CHL1: variants seen among roughly 807,000 people sequenced by gnomAD.
CHL1 encodes the protein neural cell adhesion molecule L1-like protein.
A neutral mutation model predicts 141.9 loss-of-function variants in CHL1; 96 were observed. The ratio of observed to expected loss-of-function variants is 0.68; its 90% CI spans 0.57 to 0.80. CHL1 has a LOEUF of 0.80. Ranked by LOEUF, CHL1 falls within the 30% of genes least tolerant of loss-of-function variation. CHL1 has a pLI of 0.00. For synonymous variants in CHL1, 613 were observed against 502.2 expected, an observed-to-expected ratio of 1.22 and a Z score of -2.95; for missense variants, 1,820 against 1,457.2, an observed-to-expected ratio of 1.25 and a Z score of -4.05.
chr3:320,760 G>T (rs149782737), intron 3 of CHL1, among the ~76,000 whole-genome samples: 86 of 152,092 alleles, frequency 5.7e-4, no homozygotes, highest in African/African-American at 1.9e-3. Context: ...TATCAAGTCT[G>T]CCATGTATAG....
intron 5 of CHL1, among the ~76,000 whole-genome samples, chr3:337,546 G>C (rs1324978566): frequency 3.4e-5 from 5 of 146,782 alleles, no homozygotes; most frequent in Non-Finnish European, 7.4e-5. Context: ...GCCCCGGTGT[G>C]TGATGTCCCC....
At chr3:276,854 A>G (rs540837481) in intron 2 of CHL1, among the ~76,000 whole-genome samples, 1 of 136,276 alleles carries the variant, frequency 7.3e-6, no homozygotes, top group African/African-American at 2.8e-5. Flanking sequence ...ATGCCACTGC[A>G]CTCCAGCCTG....
chr3:357,597 C>T (rs1170570726), intron 11 of CHL1, among the ~76,000 whole-genome samples: 1 of 152,140 alleles, frequency 6.6e-6, no homozygotes, highest in Admixed American at 6.6e-5. Flanking sequence ...TGCATGATTT[C>T]TCACAGGGTT....
chr3:337,480 T>TA lies in CHL1; in HGVS notation c.386-3313dup, dbSNP rs1232845139. ...GTGCTGCACCCATTAACTCATCATT[T>TA]ACATTAGGTATGTCTCCCAATGCTA... On this transcript the variant is annotated intron_variant, in intron 5 of 27. Transcript: ENST00000256509. Among the ~76,000 whole-genome samples, 22 of 152,176 alleles carry TA rather than the reference T, an allele frequency of 1.4e-4. No homozygotes were observed. In the South Asian group the frequency reaches 3.3e-3, roughly 23 times the overall value.
intron 2 of CHL1, among the ~76,000 whole-genome samples, chr3:269,479 G>A (rs1695447001): frequency 1.3e-5 from 2 of 152,144 alleles, no homozygotes. Flanking sequence ...TCGCCTTTCA[G>A]CCCAGGTGGG....
At position 258,123 on chromosome 3, in the gene CHL1, C is replaced by T. The variant is rs1016448044; in HGVS notation, c.-95+13431C>T. On this transcript the variant is annotated intron_variant, in intron 2 of 27. Coordinates refer to ENST00000256509, the MANE Select transcript of CHL1 (RefSeq NM_006614.4). ...AACACCTGCAGGGCCCTTTTAATGG[C>T]CAACTGCATCAATTTAAAACGTTCA... Among the ~76,000 whole-genome samples the T allele has an allele frequency of 3.7e-4, 57 of 152,182 alleles. 1 individual carries two copies. Among genetic ancestry groups the T allele is most frequent in the African/African-American group, 4.8e-5 (2 of 41,456 alleles).
At chr3:232,589 G>T (rs557507192) in intron 1 of CHL1, among the ~76,000 whole-genome samples, 1 of 152,154 alleles carries the variant, frequency 6.6e-6, no homozygotes, top group East Asian at 1.9e-4. Flanking sequence ...CAAGTTAGAT[G>T]TTCGTACTTA....
chr3:325,725 A>T (rs75528697), intron 3 of CHL1, among the ~76,000 whole-genome samples: 1 of 152,030 alleles, frequency 6.6e-6, no homozygotes, highest in Non-Finnish European at 1.5e-5. Flanking sequence ...TCATTAAATT[A>T]TTCTGGGTTT....
chr3:292,222 A>T (rs1362382793), intron 2 of CHL1, among the ~76,000 whole-genome samples: 1 of 152,214 alleles, frequency 6.6e-6, no homozygotes, highest in East Asian at 1.9e-4. Flanking sequence ...TTACAGATGC[A>T]TTAAGTCAAA....
At chr3:319,418 T>C (rs760132498) in intron 2 of CHL1, among the ~76,000 whole-genome samples, 3 of 151,864 alleles carry the variant, frequency 2.0e-5, no homozygotes, top group South Asian at 4.2e-4. Flanking sequence ...GTGTATAATA[T>C]CATACCTTCC....
chr3:363,118 T>C (rs1704448140), intron 13 of CHL1, 99 bp from the exon 14 acceptor site: 1 of 977,902 alleles, frequency 1.0e-6, no homozygotes, highest in Non-Finnish European at 1.5e-6. Context: ...TTCTGAGCTA[T>C]TGAAAGGGGA....
intron 2 of CHL1, among the ~76,000 whole-genome samples, chr3:267,868 G>T (rs911792997): frequency 3.9e-5 from 6 of 152,176 alleles, no homozygotes; most frequent in African/African-American, 1.4e-4. Flanking sequence ...GCATTTTCTT[G>T]AAGGAGAAAA....
intron 2 of CHL1, among the ~76,000 whole-genome samples, chr3:313,458 T>G (rs370499860): frequency 2.3e-4 from 35 of 152,288 alleles, no homozygotes; most frequent in East Asian, 9.6e-4. Flanking sequence ...TGAATAATGT[T>G]ATTTGCAAAA....
chr3:399,355 C>G (rs1306617761), intron 26 of CHL1, among the ~76,000 whole-genome samples: 2 of 152,154 alleles, frequency 1.3e-5, no homozygotes, highest in Non-Finnish European at 2.9e-5. Context: ...AAAATGGGCT[C>G]TAACTGCCGG....
chr3:392,046 C>T (rs1022602198), intron 23 of CHL1, among the ~76,000 whole-genome samples: 1 of 152,160 alleles, frequency 6.6e-6, no homozygotes, highest in South Asian at 2.1e-4. Context: ...GCTACTTTCT[C>T]CCTGGAGTGG....
chr3:390,567 T>A (rs1003242838), intron 20 of CHL1, 134 bp from the exon 21 acceptor site: 1 of 609,260 alleles, frequency 1.6e-6, no homozygotes, highest in South Asian at 2.0e-5. Context: ...CATGAGAAAC[T>A]CTTTTGGTTC....
chr3:259,938 C>G (rs1694546880), intron 2 of CHL1, among the ~76,000 whole-genome samples: 1 of 152,070 alleles, frequency 6.6e-6, no homozygotes, highest in Non-Finnish European at 1.5e-5. Context: ...TCTCAGTGCA[C>G]TAAACACTGA....
At chr3:402,060 C>T (rs1472262802) in intron 27 of CHL1, among the ~76,000 whole-genome samples, 4 of 152,176 alleles carry the variant, frequency 2.6e-5, no homozygotes, top group Admixed American at 2.0e-4. Context: ...ATACCTACAG[C>T]GTTGCACCTG....
chr3:260,594 T>G (rs957497365), intron 2 of CHL1, among the ~76,000 whole-genome samples: 3 of 152,180 alleles, frequency 2.0e-5, no homozygotes, highest in Non-Finnish European at 4.4e-5. Flanking sequence ...GCACAGGCAC[T>G]TGCAGACTGC....
Sources: allele counts gnomAD v4.1 joint callset (sites outside exome capture counted in the v4.1 genomes callset), GRCh38; gene constraint gnomAD v4.1.1; transcripts MANE v1.5; gene names NCBI Gene and HGNC (gene_info 2026-07-23, HGNC 2026-07-21).